Variants in KCNC2 observed in about 807,000 individuals in gnomAD.
KCNC2 encodes voltage-gated potassium channel KCNC2.
Under a neutral mutation model 44.5 loss-of-function variants are expected in KCNC2, and 21 were observed. The observed-to-expected ratio is 0.47, with a 90% CI of 0.33 to 0.68. The LOEUF (loss-of-function observed/expected upper bound fraction) is 0.68. Ranked by LOEUF, KCNC2 falls within the 30% of genes least tolerant of loss-of-function variation. The pLI is 0.01. For synonymous variants in KCNC2, 391 were observed against 339.1 expected (o/e 1.15, Z -1.68); for missense variants, 589 against 826.2 (o/e 0.71, Z 3.52).
intron 2 of KCNC2, among the ~76,000 whole-genome samples, chr12:75,077,947 G>A (rs992506162): frequency 6.6e-6 from 1 of 151,912 alleles, no homozygotes; most frequent in Non-Finnish European, 1.5e-5. Flanking sequence ...TAGTCATTCT[G>A]AGTTCTACCA....
Position 75,207,315 on chromosome 12 carries a change from G to A in KCNC2, c.669C>T (p.Tyr223=). 1 of 1,559,384 alleles carries A rather than the reference G, an allele frequency of 6.4e-7. No homozygotes were observed. Among genetic ancestry groups the A allele is most frequent in the South Asian group, 1.2e-5 (1 of 83,826 alleles). ...PRMWALFEDP[Y]SSRAARFIAF... The stretch of plus-strand genomic sequence containing the variant: ...GCCTTACCCTGGCGGCTCTGGACGA[G>A]TAGGGGTCTTCGAAGAGGGCCCACA... Residue 223 remains tyrosine, a synonymous_variant, in exon 2 of 5, where the codon TAC becomes TAT. Coordinates refer to ENST00000549446, the MANE Select transcript of KCNC2 (RefSeq NM_139137.4). The surrounding 1 kb of genome is among the most constrained non-coding windows in gnomAD (Gnocchi z 4.1).
chr12:75,179,500 GT>G (rs1338272361), intron 2 of KCNC2, among the ~76,000 whole-genome samples: 3 of 151,522 alleles, frequency 2.0e-5, no homozygotes, highest in African/African-American at 7.2e-5. Flanking sequence ...AACTCAACAT[GT>G]TTTTTTATTT....
intron 2 of KCNC2, among the ~76,000 whole-genome samples, chr12:75,167,225 G>T (rs1891515415): frequency 6.6e-6 from 1 of 151,072 alleles, no homozygotes; most frequent in Non-Finnish European, 1.5e-5. Flanking sequence ...GCAAACATAT[G>T]GATGACCTTT....
chr12:75,207,684 G>T lies in KCNC2; in HGVS notation c.300C>A (p.Arg100=), dbSNP rs765811480. Residue 100 remains arginine, a synonymous_variant, in exon 2 of 5, where the codon CGC becomes CGA. Transcript: ENST00000549446. The surrounding 1 kb of genome is among the most constrained non-coding windows in gnomAD (Gnocchi z 4.1). The part of the protein sequence containing the change: ...GRASDHPGGG[R]EFFFDRHPGV... ...CCGGGTGCCGGTCGAAGAAGAACTCGCGGCCGCCACCGGGATGGTCGCTGG... is the reference window on the plus strand; with the variant it reads ...CCGGGTGCCGGTCGAAGAAGAACTCTCGGCCGCCACCGGGATGGTCGCTGG... 3 of 1,603,516 alleles carry T rather than the reference G, an allele frequency of 1.9e-6. No homozygotes were observed. The South Asian group carries it at 3.3e-5, about 18-fold the overall frequency.
chr12:75,124,146 A>G (rs1181886836), intron 2 of KCNC2: 1 of 152,214 alleles, frequency 6.6e-6, no homozygotes, highest in Admixed American at 6.5e-5. Flanking sequence ...ATAACTCCAG[A>G]GGAAAAAGCA....
chr12:75,076,397 A>C (rs1190966630), intron 2 of KCNC2, among the ~76,000 whole-genome samples: 3 of 151,992 alleles, frequency 2.0e-5, no homozygotes, highest in African/African-American at 7.2e-5. Flanking sequence ...CTCAGCCTCC[A>C]GAGTAGCTGG....
chr12:75,205,766 C>T (rs1023344339), intron 2 of KCNC2, among the ~76,000 whole-genome samples: 4 of 150,974 alleles, frequency 2.6e-5, no homozygotes, highest in African/African-American at 9.7e-5. Flanking sequence ...CACAGATGCA[C>T]AGATGTAATG....
chr12:75,190,006 A>G (rs1276095595), intron 2 of KCNC2, among the ~76,000 whole-genome samples: 1 of 152,182 alleles, frequency 6.6e-6, no homozygotes, highest in Non-Finnish European at 1.5e-5. Context: ...TTAGCCTACC[A>G]TTAAGCTTGA....
chr12:75,117,462 C>A (rs145896072), intron 2 of KCNC2, among the ~76,000 whole-genome samples: 1 of 152,250 alleles, frequency 6.6e-6, no homozygotes, highest in Non-Finnish European at 1.5e-5. Flanking sequence ...TGGGTAGTCT[C>A]GAAGAGTCCA....
chr12:75,158,644 A>G (rs1890917455), intron 2 of KCNC2, among the ~76,000 whole-genome samples: 1 of 151,924 alleles, frequency 6.6e-6, no homozygotes, highest in Non-Finnish European at 1.5e-5. Context: ...GGTCTTGTGA[A>G]AGGAGGAAAC....
intron 2 of KCNC2, among the ~76,000 whole-genome samples, chr12:75,182,120 A>T (rs1892626048): frequency 6.6e-6 from 1 of 151,454 alleles, no homozygotes. Flanking sequence ...ATTTCCACCC[A>T]GGTAGTCTGA....
chr12:75,118,124 TTAGA>T (rs1887806269), intron 2 of KCNC2, among the ~76,000 whole-genome samples: 1 of 152,188 alleles, frequency 6.6e-6, no homozygotes, highest in East Asian at 1.9e-4. Context: ...TCTCTAAAAT[TTAGA>T]TAGAGCAGAA....
chr12:75,145,861 T>C (rs1045413793), intron 2 of KCNC2, among the ~76,000 whole-genome samples: 4 of 152,246 alleles, frequency 2.6e-5, no homozygotes, highest in Non-Finnish European at 5.9e-5. Flanking sequence ...ATTACTGTTG[T>C]ATTATATTTG....
At chr12:75,184,966 T>C (rs1262752775) in intron 2 of KCNC2, among the ~76,000 whole-genome samples, 1 of 152,200 alleles carries the variant, frequency 6.6e-6, no homozygotes, top group Non-Finnish European at 1.5e-5. Context: ...AGTATGTAAG[T>C]ATTCATTTGT....
intron 2 of KCNC2, among the ~76,000 whole-genome samples, chr12:75,060,563 T>TA (rs1882211919): frequency 6.6e-6 from 1 of 152,096 alleles, no homozygotes; most frequent in Non-Finnish European, 1.5e-5. Flanking sequence ...TCTCCTGGGC[T>TA]CAAGCAATTC....
intron 2 of KCNC2, among the ~76,000 whole-genome samples, chr12:75,197,913 G>A (rs2137758322): frequency 6.6e-6 from 1 of 151,860 alleles, no homozygotes; most frequent in African/African-American, 2.4e-5. Flanking sequence ...AGATAAATCA[G>A]CGATGAATTG....
Position 75,048,162 on chromosome 12 carries a change from T to A in KCNC2, c.1771A>T (p.Ile591Phe), listed in dbSNP as rs1380620376. 1.2e-6 allele frequency: 2 copies of A among 1,612,742 alleles called. No individual in the cohort carries two copies. The highest frequency in any genetic ancestry group is 1.7e-6 in the Non-Finnish European group (2 of 1,179,180). The change falls in exon 4 of 5, where the codon ATC (isoleucine) becomes TTC (phenylalanine). Residue 591 changes from isoleucine (I) to phenylalanine (F), a missense_variant. Ile to Phe is a conservative substitution (Grantham distance 21, BLOSUM62 0). Coordinates refer to ENST00000549446, the MANE Select transcript of KCNC2 (RefSeq NM_139137.4). ...GDYTCASDGGIRKGYEKSRSL... is the reference protein window; with the variant it reads ...GDYTCASDGGFRKGYEKSRSL... ...TTAAATGCATGCCTACCTTTCCTGA[T>A]CCCTCCATCAGAAGCACACGTGTAA... is the stretch of plus-strand genomic sequence containing the variant.
chr12:75,177,233 T>C (rs1892251662), intron 2 of KCNC2, among the ~76,000 whole-genome samples: 1 of 151,806 alleles, frequency 6.6e-6, no homozygotes, highest in Non-Finnish European at 1.5e-5. Flanking sequence ...ATCTGATCCA[T>C]TCCCTCTACT....
chr12:75,043,839 A>G, intron 4 of KCNC2: 1 of 1,252,312 alleles, frequency 8.0e-7, no homozygotes, highest in South Asian at 1.5e-5. Context: ...TAAAGGAAAA[A>G]AAAAGAAAAT....
Sources: gnomAD v4.1 joint callset for allele counts (sites outside exome capture counted in the v4.1 genomes callset) on GRCh38, gnomAD v4.1.1 for gene constraint, Gnocchi (gnomAD v3.1) non-coding constraint, MANE v1.5 for transcripts, NCBI Gene and HGNC (gene_info 2026-07-23, HGNC 2026-07-21) for gene names.